L2HGDH: variants seen among roughly 807,000 people sequenced by gnomAD.
L2HGDH encodes L-2-hydroxyglutarate dehydrogenase, mitochondrial.
L2HGDH carries 34 observed loss-of-function variants against 51.5 expected under a neutral mutation model. That is an observed-to-expected ratio of 0.66 (90% CI 0.50 to 0.88). L2HGDH has a LOEUF of 0.88. Among genes scored for constraint, L2HGDH ranks in the 40% least tolerant of loss-of-function variants. The probability of loss-of-function intolerance (pLI) is 0.00; values close to 1 mark genes in which losing one functional copy is unlikely to be tolerated. For synonymous variants in L2HGDH, 198 were observed against 197.9 expected (o/e 1.00, Z -0.01); for missense variants, 558 against 571.9 (o/e 0.98, Z 0.25).
rs530854115 is a variant in L2HGDH at position 50,261,006 on chromosome 14, G to A, written c.1196+4352C>T. 3.3e-5 allele frequency among the ~76,000 whole-genome samples: 5 copies of A among 152,022 alleles called. No individual in the cohort carries two copies. The East Asian group carries it at 9.7e-4, about 29-fold the overall frequency. On this transcript the variant is annotated intron_variant, in intron 9 of 9. Coordinates refer to ENST00000267436, the MANE Select transcript of L2HGDH (RefSeq NM_024884.3). ...GTGGCAGGCGCCTGTAATCCCAGCT[G>A]CTCAGAAGGCTAAGTCAGGAGAATC... is the stretch of plus-strand genomic sequence containing the variant.
Position 50,302,129 on chromosome 14 carries a change from C to T in L2HGDH, c.296G>A (p.Ser99Asn). 1 of 1,614,044 alleles carries T rather than the reference C, an allele frequency of 6.2e-7. No individual in the cohort carries two copies. ...AGACTCAGGTTTATAATAAATTCCA[C>T]TATGTATGACACCACTGTTATGTCC... ...QTGHNSGVIH[S>N]GIYYKPESLK... The change falls in exon 3 of 10, where the codon AGT becomes AAT. Residue 99 changes from serine to asparagine, a missense_variant. This residue lies in a region of L2HGDH where 194 missense variants were observed against 187.2 expected (regional missense o/e 1.04). Coordinates refer to ENST00000267436, the MANE Select transcript of L2HGDH (RefSeq NM_024884.3).
chr14:50,282,260 G>A (rs552042804), intron 5 of L2HGDH, among the ~76,000 whole-genome samples: 48 of 152,072 alleles, frequency 3.2e-4, no homozygotes, highest in South Asian at 1.0e-3. Context: ...GACAAAGAAC[G>A]ATCTGGCCCC....
chr14:50,269,433 T>A, intron 6 of L2HGDH, 103 bp from the exon 7 acceptor site: 2 of 1,150,700 alleles, frequency 1.7e-6, no homozygotes, highest in Non-Finnish European at 2.6e-6. Flanking sequence ...AGAAATAGAA[T>A]TTTTTCTAAA....
At position 50,265,454 on chromosome 14, in the gene L2HGDH, T is replaced by G; in HGVS notation, c.1100A>C (p.Tyr367Ser). 1 of 1,613,282 alleles carries G rather than the reference T, an allele frequency of 6.2e-7. No individual in the cohort carries two copies. Among genetic ancestry groups the G allele is most frequent in the East Asian group, 2.2e-5 (1 of 44,844 alleles). ...LIKLASQNFS[Y>S]GVTEMYKACF... The stretch of plus-strand genomic sequence containing the variant: ...TGCTTTATACATTTCAGTAACTCCA[T>G]AGGAAAAATTCTGGGATGCCAGTTT... The change falls in exon 9 of 10, where the codon TAT becomes TCT. Residue 367 changes from tyrosine (Y) to serine (S), a missense_variant. By Grantham distance (144) the Tyr-to-Ser change is moderately radical (BLOSUM62 -2). Around this residue, in one of 3 missense-constraint regions of L2HGDH, gnomAD observed 321 missense variants for 311.8 expected, o/e 1.03. Transcript: ENST00000267436.
At chr14:50,308,210 G>C (rs1376357618) in intron 1 of L2HGDH, among the ~76,000 whole-genome samples, 1 of 152,168 alleles carries the variant, frequency 6.6e-6, no homozygotes, top group African/African-American at 2.4e-5. Context: ...TGCCAACATG[G>C]AGAAACCCCA....
Position 50,246,725 on chromosome 14 carries a change from T to G in L2HGDH, c.*333A>C. On this transcript the variant is annotated 3_prime_UTR_variant, in exon 10 of 10. Coordinates refer to ENST00000267436, the MANE Select transcript of L2HGDH (RefSeq NM_024884.3). Reference sequence around the variant, plus strand: ...GGCCACGGCCCCCAGCCTAACATTTTGAAAATTATTATTATTATTATTTTC... The same window carrying G: ...GGCCACGGCCCCCAGCCTAACATTTGGAAAATTATTATTATTATTATTTTC... The G allele has an allele frequency of 5.2e-6, 1 of 192,636 alleles. No individual in the cohort carries two copies. Among genetic ancestry groups the G allele is most frequent in the Non-Finnish European group, 1.1e-5 (1 of 93,260 alleles). The allele number at this position is 192,636 out of a possible 1,614,324, so 11.9% of individuals were successfully genotyped here.
intron 9 of L2HGDH, among the ~76,000 whole-genome samples, chr14:50,253,095 C>A (rs1888458679): frequency 6.6e-6 from 1 of 151,978 alleles, no homozygotes. Context: ...CTTCTCTGAC[C>A]ACAATGGAAT....
intron 8 of L2HGDH, among the ~76,000 whole-genome samples, 199 bp from the exon 9 acceptor site, chr14:50,265,688 C>T (rs1053067815): frequency 3.9e-5 from 6 of 151,940 alleles, no homozygotes; most frequent in African/African-American, 7.3e-5. Flanking sequence ...TCAAGGCGGG[C>T]GGAATACTTG....
chr14:50,266,392 C>T (rs1889333922), intron 8 of L2HGDH, among the ~76,000 whole-genome samples: 1 of 152,158 alleles, frequency 6.6e-6, no homozygotes, highest in South Asian at 2.1e-4. Context: ...CCTGTAATCC[C>T]AGCACTTTGG....
At chr14:50,288,781 T>C (rs956091864) in intron 4 of L2HGDH, among the ~76,000 whole-genome samples, 1 of 152,182 alleles carries the variant, frequency 6.6e-6, no homozygotes, top group Non-Finnish European at 1.5e-5. Flanking sequence ...ATCTGCTTTT[T>C]GTTCTCTGTT....
intron 6 of L2HGDH, 55 bp from the exon 7 acceptor site, chr14:50,269,385 G>A: frequency 1.3e-6 from 2 of 1,536,786 alleles, no homozygotes; most frequent in Non-Finnish European, 1.8e-6. Context: ...AATAGGTCAA[G>A]AGGGGAAAAA....
chr14:50,291,373 G>A (rs1890880359), intron 4 of L2HGDH, among the ~76,000 whole-genome samples: 1 of 152,062 alleles, frequency 6.6e-6, no homozygotes, highest in African/African-American at 2.4e-5. Context: ...GATGGTCAAT[G>A]AAAATATTCT....
chr14:50,289,364 C>T (rs1013414905), intron 4 of L2HGDH, among the ~76,000 whole-genome samples: 2 of 152,104 alleles, frequency 1.3e-5, no homozygotes, highest in African/African-American at 2.4e-5. Flanking sequence ...GGGAAGAATA[C>T]ACATAACTAA....
intron 8 of L2HGDH, among the ~76,000 whole-genome samples, chr14:50,265,829 G>T (rs1889304323): frequency 6.6e-6 from 1 of 152,166 alleles, no homozygotes; most frequent in Admixed American, 6.6e-5. Context: ...CAGGAGAATT[G>T]CTTGAACCCA....
chr14:50,284,851 GT>G (rs1397004431), intron 4 of L2HGDH, among the ~76,000 whole-genome samples: 1 of 152,176 alleles, frequency 6.6e-6, no homozygotes, highest in African/African-American at 2.4e-5. Flanking sequence ...TGTTGTGGTG[GT>G]TTTAAAATAA....
At chr14:50,268,044 CT>C in intron 7 of L2HGDH, 134 bp from the exon 8 acceptor site, 1 of 898,288 alleles carries the variant, frequency 1.1e-6, no homozygotes, top group Non-Finnish European at 1.8e-6. Flanking sequence ...CTCAGATATA[CT>C]TTTCCATTAA....
chr14:50,294,608 T>C (rs1009901519), intron 3 of L2HGDH, among the ~76,000 whole-genome samples: 6 of 151,928 alleles, frequency 3.9e-5, no homozygotes, highest in South Asian at 4.2e-4. Flanking sequence ...TTACTTTTTT[T>C]CCCCCCCAAA....
intron 4 of L2HGDH, among the ~76,000 whole-genome samples, chr14:50,289,255 A>C (rs927266927): frequency 6.6e-6 from 1 of 152,190 alleles, no homozygotes; most frequent in South Asian, 2.1e-4. Flanking sequence ...AAAATAGGCT[A>C]TCTCACTCTA....
At chr14:50,308,388 GAAAAAA>G (rs71118865) in intron 1 of L2HGDH, among the ~76,000 whole-genome samples, 3 of 131,528 alleles carry the variant, frequency 2.3e-5, no homozygotes, top group Non-Finnish European at 3.3e-5. Context: ...CTCCATCTCA[GAAAAAA>G]AAAAAAAAAA....
Sources: allele counts gnomAD v4.1 joint callset (sites outside exome capture counted in the v4.1 genomes callset), GRCh38; gene constraint gnomAD v4.1.1; regional missense constraint gnomAD v4.1.1; transcripts MANE v1.5; gene names NCBI Gene and HGNC (gene_info 2026-07-23, HGNC 2026-07-21).